Variants in BAIAP2L1 observed in about 807,000 individuals in gnomAD.
BAIAP2L1 encodes the protein BAR/IMD domain-containing adapter protein 2-like 1.
In BAIAP2L1, 35 loss-of-function variants were observed where a neutral mutation model predicts 66.3. The observed-to-expected ratio is 0.53, with a 90% CI of 0.40 to 0.70. The LOEUF (loss-of-function observed/expected upper bound fraction) is 0.70, where lower values mean the gene tolerates loss of function less well. BAIAP2L1 is among the 30% of genes least tolerant of loss of function. BAIAP2L1 has a pLI of 0.00. For missense variants in BAIAP2L1, 622 were observed against 656.9 expected (o/e 0.95, Z 0.58); for synonymous variants, 269 against 248.7 (o/e 1.08, Z -0.77).
At position 98,367,575 on chromosome 7, in the gene BAIAP2L1, G is replaced by T. The variant is rs550972774; in HGVS notation, c.52-5143C>A. Among the ~76,000 whole-genome samples the T allele has an allele frequency of 1.3e-3, 182 of 139,474 alleles. 3 individuals carry two copies. Among genetic ancestry groups the T allele is most frequent in the African/African-American group, 4.7e-3 (178 of 37,738 alleles). The allele number at this position is 139,474 out of a possible 152,430, so 91.5% of individuals were successfully genotyped here. A position where few individuals can be genotyped will look rare whatever the true frequency, so the allele number is the denominator to read the frequency against. ...TTGTGAGACGGAGTCTCGCTCTGTC[G>T]CCCAGGCTAGAGTGCAGTGACGCAA... On this transcript the variant is annotated intron_variant, in intron 1 of 13. Coordinates refer to ENST00000005260, the MANE Select transcript of BAIAP2L1 (RefSeq NM_018842.5).
chr7:98,352,220 T>C (rs1436336974), intron 3 of BAIAP2L1, among the ~76,000 whole-genome samples: 5 of 152,166 alleles, frequency 3.3e-5, no homozygotes, highest in East Asian at 1.9e-4. Flanking sequence ...GAGATAGCAT[T>C]GTACCATGGA....
At chr7:98,352,764 C>T (rs575669547) in intron 3 of BAIAP2L1, among the ~76,000 whole-genome samples, 10 of 152,298 alleles carry the variant, frequency 6.6e-5, no homozygotes, top group South Asian at 2.1e-4. Context: ...ATACCAACAT[C>T]GTTGCTGTGG....
chr7:98,332,758 G>C (rs903442964), intron 3 of BAIAP2L1, among the ~76,000 whole-genome samples: 21 of 141,016 alleles, frequency 1.5e-4, no homozygotes, highest in African/African-American at 5.5e-4. Flanking sequence ...GCAGTGAGCC[G>C]AGATCACGCC....
In BAIAP2L1 at chr7:98,317,333, T is replaced by C; in HGVS notation, c.372A>G (p.Thr124=). ...AAGACTCTAATTTATTCTTGTGTTCTGTTTGGTATCTTTTTAGAGTTGCCT... is the reference window on the plus strand; with the variant it reads ...AAGACTCTAATTTATTCTTGTGTTCCGTTTGGTATCTTTTTAGAGTTGCCT... ...YMNATLKRYQ[T]EHKNKLESLE... Residue 124 remains threonine (T), a synonymous_variant, in exon 6 of 14, where the codon ACA becomes ACG. Transcript: ENST00000005260. The C allele has an allele frequency of 3.1e-6, 5 of 1,614,182 alleles. No homozygotes were observed. The highest frequency in any genetic ancestry group is 4.2e-6 in the Non-Finnish European group (5 of 1,180,034).
intron 3 of BAIAP2L1, among the ~76,000 whole-genome samples, chr7:98,343,767 G>A (rs1459012944): frequency 1.3e-5 from 2 of 152,152 alleles, no homozygotes; most frequent in African/African-American, 4.8e-5. Flanking sequence ...TCTGGGTAAG[G>A]GCCAAATTGC....
At chr7:98,345,193 G>C (rs1178380544) in intron 3 of BAIAP2L1, among the ~76,000 whole-genome samples, 2 of 152,110 alleles carry the variant, frequency 1.3e-5, no homozygotes, top group African/African-American at 4.8e-5. Flanking sequence ...ACATGGAAGA[G>C]AACAATAAGA....
chr7:98,364,986 C>CAAAAAAAAAAGAAAAAAAAAAAA (rs1802359392), intron 1 of BAIAP2L1, among the ~76,000 whole-genome samples: 1 of 30,780 alleles, frequency 3.2e-5, no homozygotes, highest in Non-Finnish European at 5.4e-5. Flanking sequence ...GGATATGTCT[C>CAAAAAAAAAAGAAAAAAAAAAAA]AAAAAAAAAA....
intron 1 of BAIAP2L1, among the ~76,000 whole-genome samples, chr7:98,381,747 T>G (rs1280294832): frequency 1.3e-5 from 2 of 152,158 alleles, no homozygotes; most frequent in Non-Finnish European, 1.5e-5. Flanking sequence ...CCTACTCACT[T>G]AGGCAGCAAG....
Position 98,400,933 on chromosome 7 carries a change from G to T in BAIAP2L1, c.-81C>A. Reference sequence around the variant, plus strand: ...CCGGACTCCGGGCAGCGGGAGGGCCGGGGCGCGACTAAGGGGCTCTGGAGG... The same window carrying T: ...CCGGACTCCGGGCAGCGGGAGGGCCTGGGCGCGACTAAGGGGCTCTGGAGG... On this transcript the variant is annotated 5_prime_UTR_variant, in exon 1 of 14. Coordinates refer to ENST00000005260, the MANE Select transcript of BAIAP2L1 (RefSeq NM_018842.5). 1 of 1,368,910 alleles carries T rather than the reference G, an allele frequency of 7.3e-7. No individual in the cohort carries two copies. Among genetic ancestry groups the T allele is most frequent in the Non-Finnish European group, 9.6e-7 (1 of 1,041,860 alleles). The allele number at this position is 1,368,910 out of a possible 1,614,324, so 84.8% of individuals were successfully genotyped here. A position where few individuals can be genotyped will look rare whatever the true frequency, so the allele number is the denominator to read the frequency against.
intron 1 of BAIAP2L1, among the ~76,000 whole-genome samples, chr7:98,378,236 A>G (rs1167115419): frequency 2.0e-5 from 3 of 151,970 alleles, no homozygotes; most frequent in African/African-American, 7.2e-5. Context: ...ACACGACTGG[A>G]AATAGCTAAG....
intron 3 of BAIAP2L1, among the ~76,000 whole-genome samples, chr7:98,339,737 C>T (rs575444306): frequency 6.6e-6 from 1 of 152,364 alleles, no homozygotes; most frequent in African/African-American, 2.4e-5. Flanking sequence ...CAACCCCACT[C>T]CCCAATTTGG....
At chr7:98,308,073 G>A (rs1292989129) in intron 9 of BAIAP2L1, 177 bp from the exon 10 acceptor site, 6 of 723,304 alleles carry the variant, frequency 8.3e-6, no homozygotes, top group Non-Finnish European at 1.2e-5. Flanking sequence ...AACAGGGACT[G>A]TTGAGAAACA....
chr7:98,293,730 AGC>A, intron 13 of BAIAP2L1, 134 bp from the exon 14 acceptor site: 1 of 818,964 alleles, frequency 1.2e-6, no homozygotes, highest in African/African-American at 1.7e-5. Flanking sequence ...AGGTCCCAGC[AGC>A]GTTTTCTGAG....
intron 1 of BAIAP2L1, among the ~76,000 whole-genome samples, chr7:98,386,974 C>G (rs1228391374): frequency 6.6e-6 from 1 of 152,100 alleles, no homozygotes. Flanking sequence ...GCTGGGATTA[C>G]AGGCGTGAGC....
chr7:98,337,725 G>A (rs1018131334), intron 3 of BAIAP2L1, among the ~76,000 whole-genome samples: 4 of 152,138 alleles, frequency 2.6e-5, no homozygotes, highest in Non-Finnish European at 5.9e-5. Flanking sequence ...AGACCAGCCT[G>A]GCCAACATGG....
chr7:98,382,045 C>T (rs151131166), intron 1 of BAIAP2L1, among the ~76,000 whole-genome samples: 123 of 151,716 alleles, frequency 8.1e-4, no homozygotes, highest in African/African-American at 2.8e-3. Context: ...CCTGCCTCAG[C>T]CTCCTGAGTA....
At chr7:98,340,138 A>C (rs1350135460) in intron 3 of BAIAP2L1, among the ~76,000 whole-genome samples, 1 of 152,240 alleles carries the variant, frequency 6.6e-6, no homozygotes, top group African/African-American at 2.4e-5. Flanking sequence ...CAAAGATTTA[A>C]GAGAACGGGC....
Position 98,392,987 on chromosome 7 carries a change from ATGTAATTTT to A in BAIAP2L1, c.51+7806_51+7814del, listed in dbSNP as rs540097214. Among the ~76,000 whole-genome samples the A allele has an allele frequency of 3.9e-4, 59 of 150,272 alleles. 1 individual carries two copies. The highest frequency in any genetic ancestry group is 2.0e-3 in the East Asian group (10 of 5,126). On this transcript the variant is annotated intron_variant, in intron 1 of 13. Coordinates refer to ENST00000005260, the MANE Select transcript of BAIAP2L1 (RefSeq NM_018842.5). ...TTTATTTATATATATAGATATATAT[ATGTAATTTT>A]TGTAATTTTTGTGTATATATATACA...
intron 3 of BAIAP2L1, among the ~76,000 whole-genome samples, chr7:98,340,793 G>GT (rs11455938): frequency 0.4 from 55,672 of 137,946 alleles, 11,966 homozygotes; most frequent in Middle Eastern, 0.54. Context: ...GCTCTTACAG[G>GT]TTTTTTTTTT....
Sources: gnomAD v4.1 joint callset for allele counts (sites outside exome capture counted in the v4.1 genomes callset) on GRCh38, gnomAD v4.1.1 for gene constraint, MANE v1.5 for transcripts, NCBI Gene and HGNC (gene_info 2026-07-23, HGNC 2026-07-21) for gene names.